The following CD4 variants were observed in gnomAD, a reference collection of about 807,000 sequenced individuals.
CD4 encodes the protein T-cell surface glycoprotein CD4.
CD4 carries 25 observed loss-of-function variants against 50.5 expected under a neutral mutation model. The observed-to-expected ratio is 0.49, with a 90% confidence interval of 0.36 to 0.69. The LOEUF is 0.69. Ranked by LOEUF, CD4 falls within the 30% of genes least tolerant of loss-of-function variation. The pLI, the probability that CD4 is intolerant of heterozygous loss-of-function variation, is 0.00. For missense variants in CD4, 456 were observed against 548.5 expected (o/e 0.83, Z 1.68); for synonymous variants, 207 against 221.9 (o/e 0.93, Z 0.60).
intron 9 of CD4, among the ~76,000 whole-genome samples, 176 bp from the exon 10 acceptor site, chr12:6,819,123 C>T (rs1345570563): frequency 6.6e-6 from 1 of 151,756 alleles, no homozygotes; most frequent in Non-Finnish European, 1.5e-5. Context: ...AAAAGATGGC[C>T]AGGAGCTAGA....
At position 6,793,738 on chromosome 12, in the gene CD4, G is replaced by A. The variant is rs561060484; in HGVS notation, c.-68+4076G>A. 2.6e-3 allele frequency among the ~76,000 whole-genome samples: 343 copies of A among 130,682 alleles called. 3 individuals carry two copies. The highest frequency in any genetic ancestry group is 9.2e-3 in the African/African-American group (310 of 33,752). 85.7% of individuals were successfully genotyped at this position (130,682 alleles called of 152,430 possible). The stretch of plus-strand genomic sequence containing the variant: ...TTTTGAGACAAAATCTCACTCTGTC[G>A]CCCAGGCTGTAGTGCAGTGGCACTA... On this transcript the variant is annotated intron_variant, in intron 1 of 9. Coordinates refer to ENST00000011653, the MANE Select transcript of CD4 (RefSeq NM_000616.5).
chr12:6,818,054 GCA>G lies in CD4; in HGVS notation c.1157-361_1157-360del, dbSNP rs1220015442. On this transcript the variant is annotated intron_variant, in intron 7 of 9. Coordinates refer to ENST00000011653, the MANE Select transcript of CD4 (RefSeq NM_000616.5). The surrounding 1 kb of genome is among the most constrained non-coding windows in gnomAD (Gnocchi z 5.0). The stretch of plus-strand genomic sequence containing the variant: ...CACACAGGCACACATTCACACACAT[GCA>G]CACACGCACACACATTCACACATGG... Among the ~76,000 whole-genome samples, 7 of 144,696 alleles carry G rather than the reference GCA, an allele frequency of 4.8e-5. No homozygotes were observed. The highest frequency in any genetic ancestry group is 7.7e-5 in the African/African-American group (3 of 38,972). The allele number at this position is 144,696 out of a possible 152,430, so 94.9% of individuals were successfully genotyped here. A position where few individuals can be genotyped will look rare whatever the true frequency, so the allele number is the denominator to read the frequency against.
chr12:6,808,175 C>G (rs191121516), intron 3 of CD4, among the ~76,000 whole-genome samples: 217 of 151,270 alleles, frequency 1.4e-3, no homozygotes, highest in African/African-American at 4.4e-3. Flanking sequence ...TGAAGATTGG[C>G]CAGGCGCAGT....
Position 6,802,573 on chromosome 12 carries a change from G to C in CD4, c.214+2102G>C, listed in dbSNP as rs184476263. Among the ~76,000 whole-genome samples, 531 of 152,240 alleles carry C rather than the reference G, an allele frequency of 3.5e-3. 2 individuals are homozygous for C. The highest frequency in any genetic ancestry group is 7.1e-3 in the Admixed American group (109 of 15,302). ...TCTTCCCGCTTTGGCCTCCCAAAGT[G>C]CTGGGATTATAGGTATGAGCCACTG... On this transcript the variant is annotated intron_variant, in intron 3 of 9. Transcript: ENST00000011653.
rs551827928 is a variant in CD4, at chr12:6,792,224, C to T, written c.-68+2562C>T. The stretch of plus-strand genomic sequence containing the variant: ...AAGTGCCTGTGGGACCACAGACTCT[C>T]GCTGTGGTGGAGCTGGGCCCTCTTA... On this transcript the variant is annotated intron_variant, in intron 1 of 9. Transcript: ENST00000011653. This position sits in a 1 kb window ranked among gnomAD's most constrained non-coding sequence, Gnocchi z 4.1. Among the ~76,000 whole-genome samples, 21 of 152,156 alleles carry T rather than the reference C, an allele frequency of 1.4e-4. No individual in the cohort carries two copies. The highest frequency in any genetic ancestry group is 4.6e-4 in the African/African-American group (19 of 41,530).
At chr12:6,803,113 T>C (rs1555115635) in intron 3 of CD4, among the ~76,000 whole-genome samples, 1 of 152,156 alleles carries the variant, frequency 6.6e-6, no homozygotes, top group African/African-American at 2.4e-5. Context: ...ATAGCTATTT[T>C]GGAAAGTCTA....
chr12:6,791,266 G>A (rs111771392), intron 1 of CD4, among the ~76,000 whole-genome samples: 4 of 152,214 alleles, frequency 2.6e-5, no homozygotes, highest in African/African-American at 9.6e-5. Flanking sequence ...TTTTTGAGAC[G>A]GAGTCTCGCT....
chr12:6,792,077 A>G lies in CD4; in HGVS notation c.-68+2415A>G, dbSNP rs1303481973. 2.0e-5 allele frequency among the ~76,000 whole-genome samples: 3 copies of G among 152,110 alleles called. No homozygotes were observed. The highest frequency in any genetic ancestry group is 1.5e-5 in the Non-Finnish European group (1 of 68,014). ...GCCACCAACCACAAGAGTTCCTTAG[A>G]GGGGTCACAGTCTCTAGGAAGTTTA... On this transcript the variant is annotated intron_variant, in intron 1 of 9. Transcript: ENST00000011653. The surrounding 1 kb of genome is among the most constrained non-coding windows in gnomAD (Gnocchi z 4.1).
Position 6,818,353 on chromosome 12 carries a change from A to C in CD4, c.1157-68A>C. 1 of 1,584,620 alleles carries C rather than the reference A, an allele frequency of 6.3e-7. No individual in the cohort carries two copies. Among genetic ancestry groups the C allele is most frequent in the Middle Eastern group, 1.8e-4 (1 of 5,468 alleles). The stretch of plus-strand genomic sequence containing the variant: ...CCAGAGACTGGCCAGGAGGGATTGC[A>C]GGGCAGTCCTCAGTCCCCTGGCCCG... On this transcript the variant is annotated intron_variant, in intron 7 of 9. Transcript: ENST00000011653. This position sits in a 1 kb window ranked among gnomAD's most constrained non-coding sequence, Gnocchi z 5.0.
At position 6,800,106 on chromosome 12, in the gene CD4, G is replaced by A. The variant is rs201743831; in HGVS notation, c.-33G>A. On this transcript the variant is annotated 5_prime_UTR_variant, in exon 2 of 10. Transcript: ENST00000011653. ...TTTCTGTGGGCTCAGGTCCCTACTG[G>A]CTCAGGCCCCTGCCTCCCTCGGCAA... 162 of 1,609,332 alleles carry A rather than the reference G, an allele frequency of 1.0e-4. No individual in the cohort carries two copies. The highest frequency in any genetic ancestry group is 1.3e-4 in the Non-Finnish European group (156 of 1,176,056).
At chr12:6,802,885 C>T (rs1942606690) in intron 3 of CD4, among the ~76,000 whole-genome samples, 1 of 152,064 alleles carries the variant, frequency 6.6e-6, no homozygotes, top group African/African-American at 2.4e-5. Context: ...AGACACGTGC[C>T]ACCATGCCCA....
In CD4 at chr12:6,796,930, C is replaced by T. The variant is rs181825620; in HGVS notation, c.-67-3142C>T. On this transcript the variant is annotated intron_variant, in intron 1 of 9. Coordinates refer to ENST00000011653, the MANE Select transcript of CD4 (RefSeq NM_000616.5). ...ACCTCCCTGAGCCCTCTCTTTCCTC[C>T]GAAGCCTCCTCGCACATCCCTACCA... Among the ~76,000 whole-genome samples the T allele has an allele frequency of 2.0e-3, 311 of 152,306 alleles. 1 individual carries two copies. Among genetic ancestry groups the T allele is most frequent in the African/African-American group, 6.3e-3 (260 of 41,558 alleles).
intron 3 of CD4, among the ~76,000 whole-genome samples, chr12:6,805,227 GA>G (rs1942703456): frequency 8.5e-6 from 1 of 118,058 alleles, no homozygotes; most frequent in South Asian, 2.7e-4. Flanking sequence ...GAAAAGAAAA[GA>G]AAAAGAAAGA....
At chr12:6,796,792 A>C (rs748022934) in intron 1 of CD4, among the ~76,000 whole-genome samples, 1 of 152,172 alleles carries the variant, frequency 6.6e-6, no homozygotes, top group Non-Finnish European at 1.5e-5. Flanking sequence ...GGCTGCAATG[A>C]CCTATGATTG....
intron 1 of CD4, among the ~76,000 whole-genome samples, chr12:6,790,465 C>G (rs1049675249): frequency 2.6e-5 from 4 of 152,164 alleles, no homozygotes; most frequent in African/African-American, 9.7e-5. Context: ...TGAGCTTTTG[C>G]GTATGAATTG....
intron 7 of CD4, 131 bp downstream of exon 7, chr12:6,817,461 C>T: frequency 1.3e-6 from 1 of 760,532 alleles, no homozygotes; most frequent in Non-Finnish European, 2.1e-6. Flanking sequence ...CCTCTGTGGT[C>T]CCAGGGTGCT....
chr12:6,814,544 G>A, intron 4 of CD4: 1 of 658,998 alleles, frequency 1.5e-6, no homozygotes, highest in South Asian at 1.8e-5. Context: ...GAAGGAGGGA[G>A]AGAGACTGGG....
intron 1 of CD4, among the ~76,000 whole-genome samples, chr12:6,790,113 A>G (rs1942111552): frequency 1.4e-5 from 2 of 143,010 alleles, no homozygotes; most frequent in African/African-American, 2.7e-5. Context: ...GTGGGAGGAA[A>G]CCTATAAAAA....
chr12:6,817,792 T>C (rs1206912559), intron 7 of CD4, among the ~76,000 whole-genome samples: 3 of 138,922 alleles, frequency 2.2e-5, no homozygotes, highest in African/African-American at 5.4e-5. Context: ...ACACCCACAC[T>C]CTCACCCCAT....
Sources: allele counts gnomAD v4.1 joint callset (sites outside exome capture counted in the v4.1 genomes callset), GRCh38; gene constraint gnomAD v4.1.1; non-coding constraint Gnocchi (gnomAD v3.1); transcripts MANE v1.5; gene names NCBI Gene and HGNC (gene_info 2026-07-23, HGNC 2026-07-21).